The following WWC2 variants were observed in gnomAD, a reference collection of about 807,000 sequenced individuals.
The protein encoded by WWC2 is protein WWC2.
WWC2 carries 101 observed loss-of-function variants against 138.5 expected under a neutral mutation model. That is an observed-to-expected ratio of 0.73 (90% confidence interval 0.62 to 0.86). The LOEUF (loss-of-function observed/expected upper bound fraction) is 0.86. WWC2 is among the 40% of genes least tolerant of loss of function. The pLI is 0.00. For missense variants in WWC2, 1,420 were observed against 1,419.4 expected (o/e 1.00, Z -0.01); for synonymous variants, 558 against 538.4 (o/e 1.04, Z -0.50).
chr4:183,253,647 AAGTT>A (rs1404483755), intron 8 of WWC2, 106 bp from the exon 9 acceptor site: 9 of 1,358,282 alleles, frequency 6.6e-6, no homozygotes, highest in Non-Finnish European at 8.9e-6. Context: ...TGGTAAGGTC[AAGTT>A]AGGAAAATCT....
intron 14 of WWC2, among the ~76,000 whole-genome samples, chr4:183,268,766 G>A (rs572392990): frequency 6.6e-6 from 1 of 152,300 alleles, no homozygotes; most frequent in Non-Finnish European, 1.5e-5. Context: ...GCCATTGCAT[G>A]CTCAGGGGCG....
intron 21 of WWC2, among the ~76,000 whole-genome samples, chr4:183,301,334 G>A (rs1387908430): frequency 6.6e-6 from 1 of 152,116 alleles, no homozygotes; most frequent in Non-Finnish European, 1.5e-5. Flanking sequence ...ACAAGCTCCA[G>A]CTGGCAATTA....
At position 183,249,776 on chromosome 4, in the gene WWC2, A is replaced by T. The variant is rs888138546; in HGVS notation, c.880-144A>T. 4 of 620,836 alleles carry T rather than the reference A, an allele frequency of 6.4e-6. No individual in the cohort carries two copies. In the African/African-American group the frequency reaches 7.4e-5, roughly 12 times the overall value. 38.5% of individuals were successfully genotyped at this position (620,836 alleles called of 1,614,324 possible). On this transcript the variant is annotated intron_variant, in intron 7 of 22. Coordinates refer to ENST00000403733, the MANE Select transcript of WWC2 (RefSeq NM_024949.6). ...TTTGCCCCTACTGAGACAATAAAATAAGTGTCTTTTAAAATTGGTGTTTCC... is the reference window on the plus strand; with the variant it reads ...TTTGCCCCTACTGAGACAATAAAATTAGTGTCTTTTAAAATTGGTGTTTCC...
rs561884590 is a variant in WWC2, at chr4:183,280,793, A to G, written c.2580A>G (p.Leu860=). 1.4e-4 allele frequency: 231 copies of G among 1,604,372 alleles called. No individual in the cohort carries two copies. The highest frequency in any genetic ancestry group is 3.6e-4 in the Admixed American group (21 of 58,504). The change falls in exon 17 of 23, where the codon TTA becomes TTG. Residue 860 remains leucine (L), a synonymous_variant. Coordinates refer to ENST00000403733, the MANE Select transcript of WWC2 (RefSeq NM_024949.6). ...TTCTTCAGGATGCAGTGTCAGCCTT[A>G]CTTGCAAGAACATCAGCTGAGTTGT... ...DSIDLDAVSA[L]LARTSAELLA...
intron 4 of WWC2, among the ~76,000 whole-genome samples, chr4:183,232,036 T>C (rs1476695193): frequency 6.6e-6 from 1 of 152,134 alleles, no homozygotes; most frequent in African/African-American, 2.4e-5. Flanking sequence ...ATCCAGGTGA[T>C]GGAATGAAGA....
intron 1 of WWC2, among the ~76,000 whole-genome samples, chr4:183,149,653 TA>T (rs1733583699): frequency 1.0e-4 from 15 of 150,596 alleles, no homozygotes; most frequent in Admixed American, 9.3e-4. Context: ...AGTATTTTTT[TA>T]ATCTATAGCT....
chr4:183,288,187 A>C (rs767674949), intron 20 of WWC2, among the ~76,000 whole-genome samples: 17 of 152,188 alleles, frequency 1.1e-4, no homozygotes, highest in Non-Finnish European at 1.9e-4. Context: ...TATGTACTGG[A>C]TGTGGAGGAA....
chr4:183,106,745 A>G (rs1487593175), intron 1 of WWC2, among the ~76,000 whole-genome samples: 1 of 152,118 alleles, frequency 6.6e-6, no homozygotes, highest in Non-Finnish European at 1.5e-5. Context: ...ATTTTGTAGC[A>G]TTTATTGTAC....
chr4:183,271,556 T>C (rs1293224878), intron 16 of WWC2, among the ~76,000 whole-genome samples: 4 of 152,268 alleles, frequency 2.6e-5, no homozygotes, highest in Admixed American at 1.3e-4. Context: ...AATTTAAATA[T>C]ATACTTTTCA....
chr4:183,236,472 G>A (rs1325313237), intron 4 of WWC2, among the ~76,000 whole-genome samples: 1 of 152,150 alleles, frequency 6.6e-6, no homozygotes, highest in African/African-American at 2.4e-5. Context: ...TTACAGCTTG[G>A]TGTTTGCCTT....
At chr4:183,308,424 A>C in intron 21 of WWC2, among the ~76,000 whole-genome samples, 1 of 152,204 alleles carries the variant, frequency 6.6e-6, no homozygotes, top group Non-Finnish European at 1.5e-5. Flanking sequence ...ACAGTATTGA[A>C]GAAGAATAAA....
rs182351764 is a variant in WWC2 at position 183,100,670 on chromosome 4, G to A, written c.131+1048G>A. Among the ~76,000 whole-genome samples the A allele has an allele frequency of 3.2e-3, 480 of 152,252 alleles. 2 individuals carry two copies. The highest frequency in any genetic ancestry group is 0.014 in the Middle Eastern group (4 of 294). On this transcript the variant is annotated intron_variant, in intron 1 of 22. Transcript: ENST00000403733. The stretch of plus-strand genomic sequence containing the variant: ...ACATTTTCCCTTTTCTCAATTTGAA[G>A]CTGAAATACCTAACTACTTTATAAT...
chr4:183,314,448 A>G (rs1739367121), intron 22 of WWC2, among the ~76,000 whole-genome samples: 1 of 152,184 alleles, frequency 6.6e-6, no homozygotes, highest in African/African-American at 2.4e-5. Flanking sequence ...GATGAGATGG[A>G]CCAGGGTGAG....
At chr4:183,211,845 G>A (rs533296099) in intron 4 of WWC2, among the ~76,000 whole-genome samples, 3 of 150,198 alleles carry the variant, frequency 2.0e-5, no homozygotes, top group East Asian at 2.0e-4. Context: ...TTTTTTTGGC[G>A]GAGTCTTGCT....
At chr4:183,104,670 G>A (rs1428822325) in intron 1 of WWC2, among the ~76,000 whole-genome samples, 3 of 151,988 alleles carry the variant, frequency 2.0e-5, no homozygotes, top group Admixed American at 6.6e-5. Context: ...GTTAAAAGAG[G>A]ATTAAAAAAA....
chr4:183,267,048 A>C (rs1390762119), intron 14 of WWC2, among the ~76,000 whole-genome samples: 1 of 151,132 alleles, frequency 6.6e-6, no homozygotes, highest in African/African-American at 2.4e-5. Context: ...TTTTTTTTTA[A>C]GAGATGGGGT....
At chr4:183,179,662 A>G (rs1413178848) in intron 1 of WWC2, among the ~76,000 whole-genome samples, 2 of 151,720 alleles carry the variant, frequency 1.3e-5, no homozygotes, top group African/African-American at 4.8e-5. Flanking sequence ...CATTTGGGGG[A>G]GGAATGGGAC....
chr4:183,187,497 G>C (rs1467501085), intron 1 of WWC2, among the ~76,000 whole-genome samples: 2 of 150,918 alleles, frequency 1.3e-5, no homozygotes, highest in African/African-American at 4.9e-5. Context: ...AGGTTGCAAT[G>C]AGCCGAGATT....
At chr4:183,258,684 T>C (rs1737228667) in intron 9 of WWC2, among the ~76,000 whole-genome samples, 2 of 152,338 alleles carry the variant, frequency 1.3e-5, no homozygotes, top group African/African-American at 4.8e-5. Flanking sequence ...AGGGGAATTA[T>C]AGTCACCATT....
Sources: gnomAD v4.1 joint callset for allele counts (sites outside exome capture counted in the v4.1 genomes callset) on GRCh38, gnomAD v4.1.1 for gene constraint, MANE v1.5 for transcripts, NCBI Gene and HGNC (gene_info 2026-07-23, HGNC 2026-07-21) for gene names.